The following ATP10B variants were observed in gnomAD, a reference collection of about 807,000 sequenced individuals.
ATP10B encodes ATPase phospholipid transporting 10B (putative).
Under a neutral mutation model 141.2 loss-of-function variants are expected in ATP10B, and 122 were observed. The ratio of observed to expected loss-of-function variants is 0.86; its 90% CI spans 0.75 to 1.00. The LOEUF is 1.00. Among genes scored for constraint, ATP10B ranks in the 50% least tolerant of loss-of-function variants. The pLI, the probability that ATP10B is intolerant of heterozygous loss-of-function variation, is 0.00. For missense variants in ATP10B, 1,876 were observed against 1,825.3 expected (o/e 1.03, Z -0.51); for synonymous variants, 685 against 692.0 (o/e 0.99, Z 0.16).
chr5:160,803,627 G>A (rs1278912960), intron 1 of ATP10B, among the ~76,000 whole-genome samples: 1 of 152,158 alleles, frequency 6.6e-6, no homozygotes, highest in African/African-American at 2.4e-5. Context: ...AGTGAGCCAA[G>A]ATCATACCAC....
At chr5:160,912,930 A>G in the ATP10B span, among the ~76,000 whole-genome samples, 1 of 152,174 alleles carries the variant, frequency 6.6e-6, no homozygotes, top group Non-Finnish European at 1.5e-5. Context: ...TACTGCAAAG[A>G]AGAGAGAATG....
intron 12 of ATP10B, chr5:160,634,091 TTGTC>T: frequency 1.8e-6 from 1 of 563,572 alleles, no homozygotes; most frequent in South Asian, 1.9e-5. Context: ...ATAAAGTGCT[TTGTC>T]TGGCACCAGA....
At chr5:160,816,786 TC>T (rs1773669164) in intron 1 of ATP10B, among the ~76,000 whole-genome samples, 1 of 152,044 alleles carries the variant, frequency 6.6e-6, no homozygotes, top group South Asian at 2.1e-4. Flanking sequence ...CAGCAGCACA[TC>T]AAAAAGCTTA....
In ATP10B at chr5:160,848,137, T is replaced by C. The variant is rs772782255; in HGVS notation, c.-576+3804A>G. On this transcript the variant is annotated intron_variant, in intron 1 of 25. Transcript: ENST00000327245. Reference sequence around the variant, plus strand: ...GTGTAAATACATATTAGTTAAGAGCTGGAAGGAACCTTTCAGATCTTCAAG... The same window carrying C: ...GTGTAAATACATATTAGTTAAGAGCCGGAAGGAACCTTTCAGATCTTCAAG... Among the ~76,000 whole-genome samples the C allele has an allele frequency of 9.4e-4, 143 of 152,296 alleles. 1 individual carries two copies. The highest frequency in any genetic ancestry group is 1.7e-3 in the Non-Finnish European group (115 of 68,024).
chr5:160,675,296 AGAC>A, intron 6 of ATP10B, among the ~76,000 whole-genome samples: 1 of 95,902 alleles, frequency 1.0e-5, no homozygotes, highest in Non-Finnish European at 2.9e-5. Context: ...TTTAAAAATA[AGAC>A]AAATCAACAT....
At chr5:160,876,029 G>A in the ATP10B span, among the ~76,000 whole-genome samples, 92 of 61,676 alleles carry the variant, frequency 1.5e-3, 29 homozygotes, top group East Asian at 0.06. Flanking sequence ...TCTGCACCAA[G>A]CCGACCTAAT....
chr5:160,669,909 C>A (rs369584966), intron 7 of ATP10B, among the ~76,000 whole-genome samples: 53 of 5,340 alleles, frequency 9.9e-3, no homozygotes, highest in African/African-American at 0.067. Flanking sequence ...CAGTGGAGAC[C>A]CAGTCTCTTA....
chr5:160,652,457 ATTTATTTATTTAT>A (rs1264329559), intron 7 of ATP10B, among the ~76,000 whole-genome samples: 2 of 134,094 alleles, frequency 1.5e-5, no homozygotes, highest in African/African-American at 6.0e-5. Context: ...TTATTTATTT[ATTTATTTATTTAT>A]TTATTCGAGA....
At position 160,565,557 on chromosome 5, in the gene ATP10B, G is replaced by A. The variant is rs1255832443; in HGVS notation, c.4282C>T (p.Leu1428=). The A allele has an allele frequency of 1.2e-6, 2 of 1,614,040 alleles. No individual in the cohort carries two copies. The highest frequency in any genetic ancestry group is 2.7e-5 in the African/African-American group (2 of 74,930). ...TAGGCCATTATCCTGTTAGGTCCCA[G>A]CAGGTGCTCCCCGGATGAGAGTTGA... ...SAQLSSGEHL[L]GPNRIMAYSR... is the part of the protein sequence containing the mutation. Residue 1428 remains leucine (L), a synonymous_variant, in exon 26 of 26, where the codon CTG becomes TTG. Transcript: ENST00000327245.
At chr5:160,644,931 C>G (rs1318901724) in intron 8 of ATP10B, among the ~76,000 whole-genome samples, 1 of 152,062 alleles carries the variant, frequency 6.6e-6, no homozygotes, top group East Asian at 1.9e-4. Flanking sequence ...GCCTGGCCAA[C>G]ATGGTGAAAC....
chr5:160,812,469 T>A (rs533667207), intron 1 of ATP10B, among the ~76,000 whole-genome samples: 1 of 152,290 alleles, frequency 6.6e-6, no homozygotes, highest in East Asian at 1.9e-4. Flanking sequence ...GAATTCAAAA[T>A]ACCTGTTTTG....
intron 21 of ATP10B, among the ~76,000 whole-genome samples, chr5:160,600,599 A>C (rs1163450204): frequency 2.6e-5 from 4 of 152,116 alleles, no homozygotes; most frequent in Admixed American, 1.3e-4. Context: ...CTCTATGCTA[A>C]CACCCATCCT....
At chr5:160,925,124 C>T in the ATP10B span, among the ~76,000 whole-genome samples, 2,037 of 152,250 alleles carry the variant, frequency 0.013, 18 homozygotes, top group Non-Finnish European at 0.02. Context: ...GTTTATGTTT[C>T]CTTGAAAGTT....
chr5:160,689,963 A>AAGGCTACAGTAACCAAAACAGCATG (rs1763975373), intron 3 of ATP10B, among the ~76,000 whole-genome samples: 1 of 152,024 alleles, frequency 6.6e-6, no homozygotes, highest in African/African-American at 2.4e-5. Context: ...ACTATACTAC[A>AAGGCTACAGTAACCAAAACAGCATG]AGGCTACAGT....
At chr5:160,753,410 A>G (rs1489227481) in intron 2 of ATP10B, among the ~76,000 whole-genome samples, 1 of 152,220 alleles carries the variant, frequency 6.6e-6, no homozygotes, top group Admixed American at 6.5e-5. Context: ...TTAAAGAAGT[A>G]GCAAGTACTC....
chr5:160,818,196 A>G (rs190421432), intron 1 of ATP10B, among the ~76,000 whole-genome samples: 1 of 152,308 alleles, frequency 6.6e-6, no homozygotes, highest in East Asian at 1.9e-4. Flanking sequence ...AGAAACTACC[A>G]TCAGTGTAAA....
chr5:160,721,188 T>C (rs74341151), intron 2 of ATP10B, among the ~76,000 whole-genome samples: 138 of 152,352 alleles, frequency 9.1e-4, no homozygotes, highest in African/African-American at 3.2e-3. Flanking sequence ...TCATGGACCA[T>C]GGTGCTCTGT....
rs145677351 is a variant in ATP10B, at chr5:160,772,434, C to A, written c.-331+13125G>T. On this transcript the variant is annotated intron_variant, in intron 2 of 25. Coordinates refer to ENST00000327245, the MANE Select transcript of ATP10B (RefSeq NM_025153.3). ...GTGTCTGTGGGATGTGGCTGTGATA[C>A]CTGGACTGTGGTCTTGTGTCCTCTA... Among the ~76,000 whole-genome samples the A allele has an allele frequency of 1.1e-3, 166 of 152,252 alleles. 1 individual carries two copies. The highest frequency in any genetic ancestry group is 3.7e-3 in the African/African-American group (154 of 41,546).
chr5:160,677,359 T>G (rs937657961), intron 6 of ATP10B, among the ~76,000 whole-genome samples: 16 of 152,172 alleles, frequency 1.1e-4, no homozygotes, highest in Non-Finnish European at 1.8e-4. Flanking sequence ...GGTTTGTTGG[T>G]GCCAAGTGTA....
Sources: gnomAD v4.1 joint callset for allele counts (sites outside exome capture counted in the v4.1 genomes callset) on GRCh38, gnomAD v4.1.1 for gene constraint, MANE v1.5 for transcripts, NCBI Gene and HGNC (gene_info 2026-07-23, HGNC 2026-07-21) for gene names.